Variants in GALNT17 observed in about 807,000 individuals in gnomAD.
GALNT17 encodes UDP-GalNAc:polypeptide N-acetylgalactosaminyltransferase-like 3.
Under a neutral mutation model 63.7 loss-of-function variants are expected in GALNT17, and 29 were observed. The ratio of observed to expected loss-of-function variants is 0.46; its 90% confidence interval spans 0.34 to 0.62. The LOEUF is 0.62. GALNT17 is among the 20% of genes least tolerant of loss of function. GALNT17 has a pLI of 0.01. For synonymous variants in GALNT17, 305 were observed against 318.3 expected (o/e 0.96, Z 0.45); for missense variants, 603 against 799.6 (o/e 0.75, Z 2.97).
chr7:71,222,847 G>A (rs1384715779), intron 1 of GALNT17, among the ~76,000 whole-genome samples: 1 of 152,214 alleles, frequency 6.6e-6, no homozygotes, highest in South Asian at 2.1e-4. Context: ...AAGTTGGGAG[G>A]GTCACTTGAG....
chr7:71,144,943 T>C (rs142760217), intron 1 of GALNT17, among the ~76,000 whole-genome samples: 2,953 of 152,264 alleles, frequency 0.019, 61 homozygotes, highest in South Asian at 0.049. Flanking sequence ...TTAGCCAGGA[T>C]GGTCTTGATC....
chr7:71,365,125 G>C (rs1379693575), intron 2 of GALNT17, among the ~76,000 whole-genome samples: 1 of 152,010 alleles, frequency 6.6e-6, no homozygotes, highest in South Asian at 2.1e-4. Context: ...TAGATACTGG[G>C]CTTCACCATG....
At chr7:71,642,883 A>G (rs1022179012) in intron 6 of GALNT17, among the ~76,000 whole-genome samples, 8 of 152,274 alleles carry the variant, frequency 5.3e-5, no homozygotes, top group East Asian at 1.9e-4. Flanking sequence ...TCTATCAGCC[A>G]ATGCTATCCA....
intron 2 of GALNT17, among the ~76,000 whole-genome samples, chr7:71,345,494 G>A (rs917861211): frequency 1.3e-5 from 2 of 152,102 alleles, no homozygotes; most frequent in African/African-American, 4.8e-5. Context: ...ATTTTATCCC[G>A]ACAATGTCTG....
At chr7:71,239,096 G>T (rs572959980) in intron 1 of GALNT17, among the ~76,000 whole-genome samples, 13 of 152,278 alleles carry the variant, frequency 8.5e-5, no homozygotes, top group Admixed American at 8.5e-4. Flanking sequence ...AATCTAATGA[G>T]ACACCTTGAG....
chr7:71,677,848 T>A lies in GALNT17; in HGVS notation c.1500+542T>A, dbSNP rs1012934987. ...CAGGTTTTTCTCTGTGTGTAGTGGT[T>A]TTGCATTCCCCCGAGGTCAGCTGTG... On this transcript the variant is annotated intron_variant, in intron 9 of 10. Transcript: ENST00000333538. Among the ~76,000 whole-genome samples, 6 of 152,188 alleles carry A rather than the reference T, an allele frequency of 3.9e-5. No individual in the cohort carries two copies. In the East Asian group the frequency reaches 1.2e-3, roughly 30 times the overall value.
intron 1 of GALNT17, chr7:71,300,739 T>G (rs144212507): frequency 8.8e-4 from 214 of 242,328 alleles, no homozygotes; most frequent in African/African-American, 4.5e-3. Flanking sequence ...CTCCCATCAC[T>G]GCGTCTCCTC....
intron 1 of GALNT17, among the ~76,000 whole-genome samples, chr7:71,329,241 G>T (rs1226628194): frequency 6.6e-6 from 1 of 152,178 alleles, no homozygotes; most frequent in African/African-American, 2.4e-5. Context: ...TGTGTGGCTT[G>T]TGAGGGGAAG....
chr7:71,294,409 CTTTTTTTTT>C (rs869086513), intron 1 of GALNT17, among the ~76,000 whole-genome samples: 10 of 91,922 alleles, frequency 1.1e-4, no homozygotes, highest in African/African-American at 5.1e-4. Context: ...CTCATAAGTC[CTTTTTTTTT>C]TTTTTTTTTT....
intron 6 of GALNT17, among the ~76,000 whole-genome samples, chr7:71,588,525 T>C (rs1789752261): frequency 6.6e-6 from 1 of 152,240 alleles, no homozygotes; most frequent in Non-Finnish European, 1.5e-5. Flanking sequence ...CTTTTGTTTT[T>C]TCTTTTCTAC....
At chr7:71,432,655 G>A (rs920052204) in intron 5 of GALNT17, among the ~76,000 whole-genome samples, 5 of 152,092 alleles carry the variant, frequency 3.3e-5, no homozygotes, top group African/African-American at 9.7e-5. Context: ...TACTGAAGGT[G>A]GGAAATATGC....
intron 5 of GALNT17, among the ~76,000 whole-genome samples, chr7:71,548,783 C>A (rs1262914370): frequency 2.6e-5 from 4 of 152,264 alleles, no homozygotes; most frequent in Admixed American, 2.6e-4. Flanking sequence ...TCTCTTCTTC[C>A]TCAGAGCGGA....
At chr7:71,428,224 A>G (rs1563085222) in intron 5 of GALNT17, among the ~76,000 whole-genome samples, 1 of 152,150 alleles carries the variant, frequency 6.6e-6, no homozygotes, top group Non-Finnish European at 1.5e-5. Context: ...ATAGCGACCC[A>G]GTGCCCATTA....
chr7:71,362,147 G>A (rs753305286), intron 2 of GALNT17, among the ~76,000 whole-genome samples: 11 of 152,072 alleles, frequency 7.2e-5, no homozygotes, highest in South Asian at 4.2e-4. Flanking sequence ...TAGTAGAAAC[G>A]GGGTTTCTCC....
intron 5 of GALNT17, among the ~76,000 whole-genome samples, chr7:71,525,571 C>T (rs1291263459): frequency 6.6e-6 from 1 of 151,676 alleles, no homozygotes; most frequent in African/African-American, 2.4e-5. Context: ...CTTCTCCTTT[C>T]GTTTAGTTCT....
At chr7:71,523,744 A>AAAT (rs1788567777) in intron 5 of GALNT17, among the ~76,000 whole-genome samples, 22 of 137,612 alleles carry the variant, frequency 1.6e-4, no homozygotes, top group South Asian at 2.3e-4. Context: ...CCTGTCTCAA[A>AAAT]AAATAAATAA....
At chr7:71,361,349 G>A (rs1177679713) in intron 2 of GALNT17, among the ~76,000 whole-genome samples, 5 of 152,172 alleles carry the variant, frequency 3.3e-5, no homozygotes, top group Admixed American at 3.3e-4. Context: ...GACTTTATCA[G>A]TGTGCTTCTC....
intron 6 of GALNT17, among the ~76,000 whole-genome samples, chr7:71,608,282 G>T (rs1790075255): frequency 2.6e-5 from 4 of 152,082 alleles, no homozygotes; most frequent in Admixed American, 2.6e-4. Context: ...GTTCTGAAAT[G>T]CTTTGATCCT....
intron 5 of GALNT17, among the ~76,000 whole-genome samples, chr7:71,534,107 T>A (rs908028044): frequency 6.6e-6 from 1 of 152,120 alleles, no homozygotes; most frequent in Admixed American, 6.6e-5. Flanking sequence ...TGTTCGTCTG[T>A]TCTCATGCTA....
Sources: gnomAD v4.1 joint callset for allele counts (sites outside exome capture counted in the v4.1 genomes callset) on GRCh38, gnomAD v4.1.1 for gene constraint, MANE v1.5 for transcripts, NCBI Gene and HGNC (gene_info 2026-07-23, HGNC 2026-07-21) for gene names.